Variants in CDX4 observed in about 807,000 individuals in gnomAD.
The protein encoded by CDX4 is caudal type homeobox 4.
Under a neutral mutation model 14.1 loss-of-function variants are expected in CDX4, and 11 were observed. The observed-to-expected ratio is 0.78, with a 90% CI of 0.49 to 1.29. CDX4 has a LOEUF of 1.29. CDX4 is among the 50% of genes most tolerant of loss of function. The pLI, the probability that CDX4 is intolerant of heterozygous loss-of-function variation, is 0.00. For synonymous variants in CDX4, 100 were observed against 93.5 expected (o/e 1.07, Z -0.40); for missense variants, 257 against 237.4 (o/e 1.08, Z -0.54).
Position 73,454,188 on chromosome X carries a change from T to G in CDX4, c.649-191T>G, listed in dbSNP as rs185298090. The stretch of plus-strand genomic sequence containing the variant: ...AGACTTGGATCTCAGTTTCATTTCA[T>G]GCAAGGTACTTGCCCTCTCTAAGTC... On this transcript the variant is annotated intron_variant, in intron 2 of 2. Coordinates refer to ENST00000373514, the MANE Select transcript of CDX4 (RefSeq NM_005193.2). Among the ~76,000 whole-genome samples, 4 of 111,876 alleles carry G rather than the reference T, an allele frequency of 3.6e-5. No individual in the cohort carries two copies. In the East Asian group the frequency reaches 1.1e-3, roughly 31 times the overall value.
At position 73,447,767 on chromosome X, in the gene CDX4, A is replaced by G; in HGVS notation, c.502+12A>G. ...GGTGCAGGTGACGGGTGAGTAATCA[A>G]TTCCAATGCCCACACACTTTTCCTT... On this transcript the variant is annotated intron_variant, in intron 1 of 2. Transcript: ENST00000373514. 1 of 1,156,404 alleles carries G rather than the reference A, an allele frequency of 8.6e-7. No individual in the cohort carries two copies. Among genetic ancestry groups the G allele is most frequent in the African/African-American group, 1.8e-5 (1 of 56,720 alleles).
Position 73,454,787 on chromosome X carries a change from C to A in CDX4, c.*202C>A. 2 of 387,369 alleles carry A rather than the reference C, an allele frequency of 5.2e-6. No individual in the cohort carries two copies. The highest frequency in any genetic ancestry group is 4.4e-6 in the Non-Finnish European group (1 of 226,216). The allele number at this position is 387,369 out of a possible 1,213,427, so 31.9% of individuals were successfully genotyped here. ...CAGAAAACTCCTGTCACGTGCTGTG[C>A]TATATGTCAGTCACTCAGGAATCTT... is the stretch of plus-strand genomic sequence containing the variant. On this transcript the variant is annotated 3_prime_UTR_variant, in exon 3 of 3. Transcript: ENST00000373514.
Position 73,447,467 on chromosome X carries a change from T to A in CDX4, c.214T>A (p.Trp72Arg). ...TCCTCACTGGCCGTCTCTGGGAGTCTGGGGCTCACCCTACAGTCCCCCGCG... is the reference window on the plus strand; with the variant it reads ...TCCTCACTGGCCGTCTCTGGGAGTCAGGGGCTCACCCTACAGTCCCCCGCG... ...MDPHWPSLGV[W>R]GSPYSPPRED... The change falls in exon 1 of 3, where the codon TGG becomes AGG. Residue 72 changes from tryptophan to arginine, a missense_variant. Trp to Arg is a moderately radical substitution (Grantham distance 101, BLOSUM62 -3). Coordinates refer to ENST00000373514, the MANE Select transcript of CDX4 (RefSeq NM_005193.2). 1 of 1,211,811 alleles carries A rather than the reference T, an allele frequency of 8.3e-7. No homozygotes were observed.
In CDX4 at chrX:73,454,130, A is replaced by G. The variant is rs772207535; in HGVS notation, c.649-249A>G. Among the ~76,000 whole-genome samples the G allele has an allele frequency of 9.9e-5, 11 of 111,620 alleles. No individual in the cohort carries two copies. In the East Asian group the frequency reaches 3.1e-3, roughly 32 times the overall value. ...ACAGAGGAGGTGGGTAAGGTATAAT[A>G]TTAAGATTATTGCATTCAGAGTTAG... On this transcript the variant is annotated intron_variant, in intron 2 of 2. Transcript: ENST00000373514.
Position 73,452,459 on chromosome X carries a change from A to G in CDX4, c.503-1058A>G, listed in dbSNP as rs144400733. Among the ~76,000 whole-genome samples the G allele has an allele frequency of 5.1e-3, 562 of 111,201 alleles. 2 individuals are homozygous for G. The highest frequency in any genetic ancestry group is 0.017 in the African/African-American group (512 of 30,641). ...GTAGAGAAATTAAAAAGAAAAGAGA[A>G]CTTCCTAAGTATCTTTGGAAAATTT... On this transcript the variant is annotated intron_variant, in intron 1 of 2. Transcript: ENST00000373514.
chrX:73,447,442 T>A lies in CDX4; in HGVS notation c.189T>A (p.Asp63Glu). 2.5e-6 allele frequency: 3 copies of A among 1,211,236 alleles called. No individual in the cohort carries two copies. The highest frequency in any genetic ancestry group is 3.5e-5 in the South Asian group (2 of 56,928). ...YMGYPHMPSM[D>E]PHWPSLGVWG... is the part of the protein sequence containing the mutation. ...GGTATCCTCATATGCCCAGCATGGA[T>A]CCTCACTGGCCGTCTCTGGGAGTCT... The change falls in exon 1 of 3, where the codon GAT (aspartate) becomes GAA (glutamate). Residue 63 changes from aspartate (D) to glutamate (E), a missense_variant. Physicochemically the swap from Asp to Glu is conservative, Grantham distance 45. Transcript: ENST00000373514.
At chrX:73,448,862 G>T (rs1038109722) in intron 1 of CDX4, among the ~76,000 whole-genome samples, 14 of 111,748 alleles carry the variant, frequency 1.3e-4, no homozygotes, top group Non-Finnish European at 2.4e-4. Flanking sequence ...GCATTTGTCC[G>T]CAATGATTAT....
At chrX:73,448,502 A>G (rs1016730704) in intron 1 of CDX4, among the ~76,000 whole-genome samples, 5 of 112,144 alleles carry the variant, frequency 4.5e-5, no homozygotes, top group African/African-American at 1.6e-4. Context: ...CGACACGCAA[A>G]CGAATCAGCT....
At chrX:73,449,197 C>T (rs1019195777) in intron 1 of CDX4, among the ~76,000 whole-genome samples, 2 of 111,023 alleles carry the variant, frequency 1.8e-5, no homozygotes, top group Admixed American at 1.9e-4. Flanking sequence ...CTCACTAAAC[C>T]CTAACAATCA....
chrX:73,447,909 C>T (rs1603327875), intron 1 of CDX4, among the ~76,000 whole-genome samples, 154 bp downstream of exon 1: 1 of 112,342 alleles, frequency 8.9e-6, no homozygotes, highest in Non-Finnish European at 1.9e-5. Flanking sequence ...AGGCATCTCC[C>T]TCGCATTCGC....
intron 1 of CDX4, among the ~76,000 whole-genome samples, chrX:73,452,202 CA>C (rs1244787149): frequency 1.0e-5 from 1 of 99,155 alleles, no homozygotes; most frequent in Non-Finnish European, 2.0e-5. Context: ...AATTCTGAAC[CA>C]ATTGGCTGGT....
chrX:73,448,010 CGAGT>C (rs1332881283), intron 1 of CDX4, among the ~76,000 whole-genome samples: 1 of 112,089 alleles, frequency 8.9e-6, no homozygotes, highest in East Asian at 2.8e-4. Flanking sequence ...ATGAAGAAAG[CGAGT>C]GAGTGGACAA....
chrX:73,447,801 TCTC>T (rs1172775575), intron 1 of CDX4, 46 bp downstream of exon 1: 2 of 1,133,215 alleles, frequency 1.8e-6, no homozygotes, highest in Admixed American at 5.1e-5. Flanking sequence ...TTCCTTCCCT[TCTC>T]CGCTACTTCT....
chrX:73,448,458 G>T (rs2057077797), intron 1 of CDX4, among the ~76,000 whole-genome samples: 2 of 112,296 alleles, frequency 1.8e-5, no homozygotes. Context: ...CACTGACCTG[G>T]TACATAATAC....
intron 1 of CDX4, among the ~76,000 whole-genome samples, chrX:73,452,606 G>A (rs764858753): frequency 1.6e-4 from 18 of 111,387 alleles, no homozygotes; most frequent in Admixed American, 1.5e-3. Context: ...TTCTGCTTAA[G>A]TCAACACCTC....
chrX:73,447,371 C>T lies in CDX4; in HGVS notation c.118C>T (p.Pro40Ser). The T allele has an allele frequency of 8.3e-7, 1 of 1,210,759 alleles. No individual in the cohort carries two copies. The highest frequency in any genetic ancestry group is 1.1e-6 in the Non-Finnish European group (1 of 895,046). The change falls in exon 1 of 3, where the codon CCA becomes TCA. Residue 40 changes from proline (P) to serine (S), a missense_variant. Pro to Ser is a moderately conservative substitution (Grantham distance 74). Transcript: ENST00000373514. Reference protein sequence around the residue: ...GGTGGGGSPMPASNFAAAPAF... With the variant: ...GGTGGGGSPMSASNFAAAPAF... ...CACAGGGGGCGGTGGGAGTCCGATG[C>T]CAGCCTCCAATTTCGCTGCGGCACC...
chrX:73,453,795 T>G (rs1458531760), intron 2 of CDX4, 133 bp downstream of exon 2: 1 of 471,743 alleles, frequency 2.1e-6, no homozygotes, highest in African/African-American at 2.6e-5. Context: ...GAAGGCACAT[T>G]GATATCGCTC....
In CDX4 at chrX:73,452,838, G is replaced by A. The variant is rs372695203; in HGVS notation, c.503-679G>A. Reference sequence around the variant, plus strand: ...TTCCACTCTTGGGCCATTATTATGCGTCCCAGCATATTTGAACTTGGAATA... The same window carrying A: ...TTCCACTCTTGGGCCATTATTATGCATCCCAGCATATTTGAACTTGGAATA... On this transcript the variant is annotated intron_variant, in intron 1 of 2. Coordinates refer to ENST00000373514, the MANE Select transcript of CDX4 (RefSeq NM_005193.2). 2.1e-4 allele frequency among the ~76,000 whole-genome samples: 23 copies of A among 111,425 alleles called. 1 individual carries two copies. The South Asian group carries it at 2.6e-3, about 13-fold the overall frequency.
chrX:73,453,507 C>T lies in CDX4; in HGVS notation c.503-10C>T, dbSNP rs1489246803. ...AAAAAGATTAAATGCAATGCTTTCTCTCCTAACAGGGAAAACCAGGACAAA... is the reference window on the plus strand; with the variant it reads ...AAAAAGATTAAATGCAATGCTTTCTTTCCTAACAGGGAAAACCAGGACAAA... On this transcript the variant is annotated splice_polypyrimidine_tract_variant and intron_variant, in intron 1 of 2. Coordinates refer to ENST00000373514, the MANE Select transcript of CDX4 (RefSeq NM_005193.2). 2 of 1,192,579 alleles carry T rather than the reference C, an allele frequency of 1.7e-6. No individual in the cohort carries two copies. Among genetic ancestry groups the T allele is most frequent in the Admixed American group, 2.3e-5 (1 of 43,798 alleles).
Sources: allele counts gnomAD v4.1 joint callset (sites outside exome capture counted in the v4.1 genomes callset), GRCh38; gene constraint gnomAD v4.1.1; transcripts MANE v1.5; gene names NCBI Gene and HGNC (gene_info 2026-07-23, HGNC 2026-07-21).